CSMD1: variants seen among roughly 807,000 people sequenced by gnomAD.
CSMD1 encodes the protein CUB and Sushi multiple domains 1, also known as CUB and sushi domain-containing protein 1.
A neutral mutation model predicts 417.5 loss-of-function variants in CSMD1; 213 were observed. That is an observed-to-expected ratio of 0.51 (90% CI 0.46 to 0.57). CSMD1 has a LOEUF of 0.57. Ranked by LOEUF, CSMD1 falls within the 20% of genes least tolerant of loss-of-function variation. CSMD1 has a pLI of 0.00. For synonymous variants in CSMD1, 2,862 were observed against 1,736.8 expected, an observed-to-expected ratio of 1.65 and a Z score of -16.11; for missense variants, 6,923 against 4,529.7, an observed-to-expected ratio of 1.53 and a Z score of -15.17.
intron 1 of CSMD1, among the ~76,000 whole-genome samples, chr8:4,852,469 T>C (rs1342939348): frequency 6.6e-6 from 1 of 152,164 alleles, no homozygotes; most frequent in Non-Finnish European, 1.5e-5. Flanking sequence ...TGATGAGGCC[T>C]CACCAGTTGA....
chr8:3,680,685 T>G (rs1278086250), intron 7 of CSMD1, among the ~76,000 whole-genome samples: 1 of 152,216 alleles, frequency 6.6e-6, no homozygotes, highest in African/African-American at 2.4e-5. Context: ...CTAACTCATT[T>G]CATGAGGCCA....
At chr8:3,953,547 G>C (rs1314923581) in intron 5 of CSMD1, among the ~76,000 whole-genome samples, 1 of 152,112 alleles carries the variant, frequency 6.6e-6, no homozygotes, top group African/African-American at 2.4e-5. Context: ...GAGTTTTACA[G>C]CTTCAGGACT....
In CSMD1 at chr8:4,640,297, T is replaced by G. The variant is rs117082790; in HGVS notation, c.86-2739A>C. On this transcript the variant is annotated intron_variant, in intron 1 of 69. Transcript: ENST00000635120. ...ATGAATATCATCGTTGGCTGTCCAG[T>G]GCAAACAACCAAGAAGTTTTTAAAG... 2.5e-3 allele frequency among the ~76,000 whole-genome samples: 381 copies of G among 152,350 alleles called. 1 individual carries two copies. Among genetic ancestry groups the G allele is most frequent in the Non-Finnish European group, 4.5e-3 (305 of 68,030 alleles).
chr8:3,261,436 G>A (rs982654430), intron 26 of CSMD1, among the ~76,000 whole-genome samples: 56 of 152,138 alleles, frequency 3.7e-4, no homozygotes, highest in African/African-American at 4.1e-4. Context: ...TGATGGGTGC[G>A]CCAAAATCCT....
At chr8:4,870,814 G>T (rs1297595161) in intron 1 of CSMD1, among the ~76,000 whole-genome samples, 1 of 152,148 alleles carries the variant, frequency 6.6e-6, no homozygotes, top group East Asian at 1.9e-4. Flanking sequence ...GAAAGAGCGA[G>T]GAGTGCATTT....
chr8:4,643,099 G>C (rs926157536), intron 1 of CSMD1, among the ~76,000 whole-genome samples: 1 of 152,182 alleles, frequency 6.6e-6, no homozygotes, highest in Non-Finnish European at 1.5e-5. Flanking sequence ...AGTCCAGGCA[G>C]AAGCCATATT....
chr8:3,828,633 C>T (rs1472949190), intron 5 of CSMD1, among the ~76,000 whole-genome samples: 2 of 152,134 alleles, frequency 1.3e-5, no homozygotes, highest in Non-Finnish European at 2.9e-5. Flanking sequence ...TCCCAGTCAT[C>T]GTCACACCTA....
At chr8:4,918,576 T>G (rs941056242) in intron 1 of CSMD1, among the ~76,000 whole-genome samples, 6 of 151,784 alleles carry the variant, frequency 4.0e-5, no homozygotes, top group African/African-American at 1.5e-4. Context: ...GCACTGCGAG[T>G]TGTGCTTTAA....
At chr8:3,560,396 G>T (rs913588330) in intron 10 of CSMD1, among the ~76,000 whole-genome samples, 1 of 152,088 alleles carries the variant, frequency 6.6e-6, no homozygotes, top group Non-Finnish European at 1.5e-5. Flanking sequence ...AAGAATTTCA[G>T]TGTCTTTTCT....
chr8:4,390,423 T>C (rs1205894863), intron 3 of CSMD1, among the ~76,000 whole-genome samples: 1 of 152,132 alleles, frequency 6.6e-6, no homozygotes, highest in African/African-American at 2.4e-5. Context: ...CGTATAGAGA[T>C]ATGATAAATG....
intron 3 of CSMD1, among the ~76,000 whole-genome samples, chr8:4,303,145 A>C (rs1001284634): frequency 2.6e-5 from 4 of 152,200 alleles, no homozygotes; most frequent in South Asian, 2.1e-4. Flanking sequence ...CTAGGAACTA[A>C]AACTTCCCTC....
intron 12 of CSMD1, among the ~76,000 whole-genome samples, chr8:3,445,711 G>A (rs557538811): frequency 1.3e-5 from 2 of 152,138 alleles, no homozygotes; most frequent in Admixed American, 6.5e-5. Flanking sequence ...TGTAGCAAAT[G>A]AGGAGTTCTG....
intron 3 of CSMD1, among the ~76,000 whole-genome samples, chr8:4,354,101 C>G (rs1232168782): frequency 6.6e-6 from 1 of 152,094 alleles, no homozygotes; most frequent in African/African-American, 2.4e-5. Flanking sequence ...TCCATATTCT[C>G]GTTAACTTGC....
At chr8:3,202,214 T>C (rs1036641519) in intron 31 of CSMD1, among the ~76,000 whole-genome samples, 2 of 152,200 alleles carry the variant, frequency 1.3e-5, no homozygotes, top group African/African-American at 2.4e-5. Context: ...TTTTCAAATA[T>C]TTAGCAACAC....
chr8:4,188,753 A>C (rs1798835107), intron 3 of CSMD1, among the ~76,000 whole-genome samples: 1 of 151,916 alleles, frequency 6.6e-6, no homozygotes. Context: ...GAAAAGAAAG[A>C]TACACAGATT....
chr8:4,458,442 A>T (rs911061780), intron 2 of CSMD1, among the ~76,000 whole-genome samples: 1 of 152,228 alleles, frequency 6.6e-6, no homozygotes, highest in Non-Finnish European at 1.5e-5. Context: ...TTTCTAAAAC[A>T]GTCTGAAGTT....
intron 2 of CSMD1, among the ~76,000 whole-genome samples, chr8:4,553,973 T>G (rs932004978): frequency 2.6e-5 from 4 of 152,196 alleles, no homozygotes; most frequent in African/African-American, 4.8e-5. Context: ...CGCTGATGTC[T>G]GCTGGCATGA....
chr8:3,958,373 T>G (rs901475478), intron 5 of CSMD1, among the ~76,000 whole-genome samples: 1 of 151,882 alleles, frequency 6.6e-6, no homozygotes, highest in Non-Finnish European at 1.5e-5. Context: ...TTAAGCTGTT[T>G]CACTCTCTAG....
intron 10 of CSMD1, among the ~76,000 whole-genome samples, chr8:3,515,655 CAACAGACCAACTTGG>C (rs1368546682): frequency 6.6e-6 from 1 of 152,186 alleles, no homozygotes; most frequent in Non-Finnish European, 1.5e-5. Flanking sequence ...GGCCAACTTG[CAACAGACCAACTTGG>C]AACAAGTCAA....
Sources: gnomAD v4.1 joint callset for allele counts (sites outside exome capture counted in the v4.1 genomes callset) on GRCh38, gnomAD v4.1.1 for gene constraint, MANE v1.5 for transcripts, NCBI Gene and HGNC (gene_info 2026-07-23, HGNC 2026-07-21) for gene names.